The following ELAC2 variants were observed in gnomAD, a reference collection of about 807,000 sequenced individuals.
ELAC2 encodes the protein zinc phosphodiesterase ELAC protein 2.
Under a neutral mutation model 105.2 loss-of-function variants are expected in ELAC2, and 92 were observed. The ratio of observed to expected loss-of-function variants is 0.87; its 90% CI spans 0.74 to 1.04. ELAC2 has a LOEUF of 1.04. Among genes scored for constraint, ELAC2 ranks in the 50% least tolerant of loss-of-function variants. The probability of loss-of-function intolerance (pLI) is 0.00; values close to 1 mark genes in which losing one functional copy is unlikely to be tolerated. For synonymous variants in ELAC2, 468 were observed against 409.1 expected (o/e 1.14, Z -1.74); for missense variants, 1,099 against 1,071.7 (o/e 1.03, Z -0.36).
At position 13,018,026 on chromosome 17, in the gene ELAC2, A is replaced by G. The variant is rs941325100; in HGVS notation, c.-79T>C. The G allele has an allele frequency of 6.5e-6, 10 of 1,529,772 alleles. No homozygotes were observed. The highest frequency in any genetic ancestry group is 2.7e-5 in the African/African-American group (2 of 72,828). 94.8% of individuals were successfully genotyped at this position (1,529,772 alleles called of 1,614,324 possible). A position where few individuals can be genotyped will look rare whatever the true frequency, so the allele number is the denominator to read the frequency against. On this transcript the variant is annotated 5_prime_UTR_variant, in exon 1 of 24. It removes an upstream start codon present in the reference 5' UTR. Coordinates refer to ENST00000338034, the MANE Select transcript of ELAC2 (RefSeq NM_018127.7). ...CCCGTGCACCACCTAGCCGCTCCGCATGGCGGATCCAGCCAATCAGCGCGC... is the reference window on the plus strand; with the variant it reads ...CCCGTGCACCACCTAGCCGCTCCGCGTGGCGGATCCAGCCAATCAGCGCGC...
At position 12,992,151 on chromosome 17, in the gene ELAC2, A is replaced by ATTGG. The variant is rs1053338633; in HGVS notation, c.*666_*667insCCAA. Among the ~76,000 whole-genome samples, 4 of 151,898 alleles carry ATTGG rather than the reference A, an allele frequency of 2.6e-5. No individual in the cohort carries two copies. Among genetic ancestry groups the ATTGG allele is most frequent in the African/African-American group, 9.7e-5 (4 of 41,278 alleles). ...ATTTGATTGATTGATTGATTGATTGATAGAGAAAGCACGCCCTGCTGTGAG... is the reference window on the plus strand; with the variant it reads ...ATTTGATTGATTGATTGATTGATTGATTGGTAGAGAAAGCACGCCCTGCTGTGAG... On this transcript the variant is annotated 3_prime_UTR_variant, in exon 24 of 24. Transcript: ENST00000338034.
intron 22 of ELAC2, 92 bp downstream of exon 22, chr17:12,994,333 C>A (rs1374334151): frequency 3.5e-6 from 5 of 1,422,386 alleles, no homozygotes; most frequent in Non-Finnish European, 5.0e-6. Flanking sequence ...CAGGGCAGCC[C>A]CACATCAGTG....
At chr17:13,000,511 G>T (rs968642556) in intron 14 of ELAC2, 6 of 543,902 alleles carry the variant, frequency 1.1e-5, no homozygotes, top group South Asian at 9.6e-5. Context: ...GGGCAAGACA[G>T]TTTTTTTCTG....
intron 8 of ELAC2, among the ~76,000 whole-genome samples, chr17:13,008,873 A>G (rs1292751573): frequency 6.6e-6 from 1 of 152,154 alleles, no homozygotes; most frequent in Non-Finnish European, 1.5e-5. Flanking sequence ...GACAGCAAGG[A>G]AGGAGATGGA....
intron 3 of ELAC2, 53 bp from the exon 4 acceptor site, chr17:13,015,885 A>C: frequency 7.2e-7 from 1 of 1,398,546 alleles, no homozygotes; most frequent in Non-Finnish European, 1.0e-6. Context: ...TGTCGTCACT[A>C]ACAGGAGGAG....
rs1346068261 is a variant in ELAC2, at chr17:13,003,850, T to C, written c.984-276A>G. 8.7e-6 allele frequency: 4 copies of C among 462,128 alleles called. No homozygotes were observed. In the Admixed American group the frequency reaches 1.4e-4, roughly 16 times the overall value. The allele number at this position is 462,128 out of a possible 1,614,324, so 28.6% of individuals were successfully genotyped here. ...CTTTCTCAGCACTGCACTTCCTTCC[T>C]ACCCTCTCCACTCATACGGGTCCAA... is the stretch of plus-strand genomic sequence containing the variant. On this transcript the variant is annotated intron_variant, in intron 11 of 23. Transcript: ENST00000338034.
At chr17:13,003,854 C>G in intron 11 of ELAC2, 3 of 457,376 alleles carry the variant, frequency 6.6e-6, no homozygotes, top group South Asian at 6.4e-5. Context: ...CCTTCCTACC[C>G]TCTCCACTCA....
At chr17:13,011,340 G>C (rs2041400195) in intron 7 of ELAC2, among the ~76,000 whole-genome samples, 1 of 152,158 alleles carries the variant, frequency 6.6e-6, no homozygotes, top group Admixed American at 6.5e-5. Context: ...TGGAAAATTT[G>C]CATAAATGTT....
At chr17:13,017,658 C>T in intron 1 of ELAC2, 45 bp downstream of exon 1, 6 of 1,612,754 alleles carry the variant, frequency 3.7e-6, no homozygotes, top group Non-Finnish European at 5.1e-6. Flanking sequence ...AGAGGCTGCG[C>T]CGCACTGAGG....
At chr17:13,010,005 A>AAAAAAAAAC (rs2041327273) in intron 8 of ELAC2, among the ~76,000 whole-genome samples, 1 of 152,002 alleles carries the variant, frequency 6.6e-6, no homozygotes, top group Non-Finnish European at 1.5e-5. Flanking sequence ...AAAAAAAAAA[A>AAAAAAAAAC]AAATGTACGG....
In ELAC2 at chr17:12,992,361, A is replaced by C. The variant is rs1474212301; in HGVS notation, c.*457T>G. On this transcript the variant is annotated 3_prime_UTR_variant, in exon 24 of 24. Coordinates refer to ENST00000338034, the MANE Select transcript of ELAC2 (RefSeq NM_018127.7). ...TGCACAGCAGACCCTGCTCTGTAGC[A>C]GCAGCAGGAGGAAGCAAAAGAACTC... 5 of 52,006 alleles carry C rather than the reference A, an allele frequency of 9.6e-5. No homozygotes were observed. The highest frequency in any genetic ancestry group is 1.7e-4 in the Non-Finnish European group (4 of 23,842). The allele number at this position is 52,006 out of a possible 1,614,324, so 3.2% of individuals were successfully genotyped here.
At chr17:12,993,652 G>GTCC (rs893540835) in intron 23 of ELAC2, 35 bp downstream of exon 23, 17 of 1,613,542 alleles carry the variant, frequency 1.1e-5, no homozygotes, top group Non-Finnish European at 1.4e-5. Flanking sequence ...TCCCTGCCCC[G>GTCC]TCCCCGCCCT....
At chr17:13,006,301 G>A (rs1233715800) in intron 8 of ELAC2, 3 of 367,734 alleles carry the variant, frequency 8.2e-6, no homozygotes, top group East Asian at 1.3e-4. Context: ...ACCCAGAGGC[G>A]GATGTTGCAG....
intron 12 of ELAC2, 28 bp downstream of exon 12, chr17:13,003,451 C>G (rs765933285): frequency 6.2e-7 from 1 of 1,608,276 alleles, no homozygotes; most frequent in Non-Finnish European, 8.5e-7. Context: ...AAGAGTTACC[C>G]CAAGTGCCGC....
Position 12,998,469 on chromosome 17 carries a change from G to A in ELAC2, c.1463C>T (p.Thr488Ile), listed in dbSNP as rs931963687. 11 of 1,614,206 alleles carry A rather than the reference G, an allele frequency of 6.8e-6. No homozygotes were observed. Among genetic ancestry groups the A allele is most frequent in the Non-Finnish European group, 9.3e-6 (11 of 1,180,018 alleles). Residue 488 changes from threonine to isoleucine, a missense_variant, in exon 16 of 24, where the codon ACA becomes ATA. By Grantham distance (89) the Thr-to-Ile change is moderately conservative. Transcript: ENST00000338034. ...SQYPEIIFLGTGSAIPMKIRN... is the reference protein window; with the variant it reads ...SQYPEIIFLGIGSAIPMKIRN... ...AATCTTCATCGGGATGGCAGACCCT[G>A]TTCCAAGGAAGATGATTTCTGGGTA...
At chr17:13,009,002 A>G (rs1297952868) in intron 8 of ELAC2, among the ~76,000 whole-genome samples, 2 of 152,216 alleles carry the variant, frequency 1.3e-5, no homozygotes, top group Admixed American at 1.3e-4. Context: ...CCTATTCCGG[A>G]AAGCAGGAAT....
At chr17:12,995,089 GATA>G (rs1249927863) in intron 19 of ELAC2, 27 bp from the exon 20 acceptor site, 3 of 1,608,912 alleles carry the variant, frequency 1.9e-6, no homozygotes, top group African/African-American at 2.7e-5. Flanking sequence ...CATTTAAAAT[GATA>G]ATAAACGTTT....
At position 12,992,500 on chromosome 17, in the gene ELAC2, T is replaced by C. The variant is rs1598186928; in HGVS notation, c.*318A>G. 1.7e-5 allele frequency: 8 copies of C among 460,840 alleles called. No homozygotes were observed. The East Asian group carries it at 3.0e-4, about 17-fold the overall frequency. 28.5% of individuals were successfully genotyped at this position (460,840 alleles called of 1,614,324 possible). A position where few individuals can be genotyped will look rare whatever the true frequency, so the allele number is the denominator to read the frequency against. ...TGTCTCTGGTGTGCAGGGAATCACT[T>C]TGCTGGATTAGAGGAAAGGTGCCGC... On this transcript the variant is annotated 3_prime_UTR_variant, in exon 24 of 24. Coordinates refer to ENST00000338034, the MANE Select transcript of ELAC2 (RefSeq NM_018127.7).
intron 8 of ELAC2, 117 bp downstream of exon 8, chr17:13,010,496 A>C (rs2041357738): frequency 2.1e-6 from 2 of 936,820 alleles, no homozygotes; most frequent in Non-Finnish European, 3.4e-6. Context: ...AAGATCTGCT[A>C]TCTCTTCTTG....
Sources: gnomAD v4.1 joint callset for allele counts (sites outside exome capture counted in the v4.1 genomes callset) on GRCh38, gnomAD v4.1.1 for gene constraint, MANE v1.5 for transcripts, NCBI Gene and HGNC (gene_info 2026-07-23, HGNC 2026-07-21) for gene names.